Variants in GABRG3 observed in about 807,000 individuals in gnomAD.
GABRG3 encodes gamma-aminobutyric acid receptor subunit gamma-3.
In GABRG3, 25 loss-of-function variants were observed where a neutral mutation model predicts 48.8. The ratio of observed to expected loss-of-function variants is 0.51; its 90% confidence interval spans 0.37 to 0.72. The LOEUF (loss-of-function observed/expected upper bound fraction) is 0.72, where lower values mean the gene tolerates loss of function less well. Among genes scored for constraint, GABRG3 ranks in the 30% least tolerant of loss-of-function variants. The pLI, the probability that GABRG3 is intolerant of heterozygous loss-of-function variation, is 0.00. For missense variants in GABRG3, 394 were observed against 577.9 expected, an observed-to-expected ratio of 0.68 and a Z score of 3.26; for synonymous variants, 227 against 217.6, an observed-to-expected ratio of 1.04 and a Z score of -0.38.
At chr15:27,269,981 T>C (rs1891031551) in intron 3 of GABRG3, among the ~76,000 whole-genome samples, 1 of 152,178 alleles carries the variant, frequency 6.6e-6, no homozygotes, top group Admixed American at 6.5e-5. Flanking sequence ...TATTGAAACA[T>C]TGAAATTTGA....
At chr15:27,331,378 G>T (rs1893795868) in intron 5 of GABRG3, among the ~76,000 whole-genome samples, 5 of 152,030 alleles carry the variant, frequency 3.3e-5, no homozygotes. Flanking sequence ...ACAAACCACG[G>T]CATATTCATG....
At chr15:27,523,956 G>A (rs187739196) in intron 7 of GABRG3, among the ~76,000 whole-genome samples, 1 of 151,812 alleles carries the variant, frequency 6.6e-6, no homozygotes, top group Non-Finnish European at 1.5e-5. Flanking sequence ...ATAGAATGGG[G>A]CTAAAAAAAA....
At position 27,352,242 on chromosome 15, in the gene GABRG3, G is replaced by C. The variant is rs1894645101; in HGVS notation, c.574+23354G>C. ...GGCAGTGTAGGGATTCTGCCAGACC[G>C]TTCAGCTAATCTCCGTCTCGCGCTC... On this transcript the variant is annotated intron_variant, in intron 5 of 9. Transcript: ENST00000615808. The surrounding 1 kb of genome is among the most constrained non-coding windows in gnomAD (Gnocchi z 4.0). Among the ~76,000 whole-genome samples, 1 of 151,836 alleles carries C rather than the reference G, an allele frequency of 6.6e-6. No homozygotes were observed. The highest frequency in any genetic ancestry group is 1.9e-4 in the East Asian group (1 of 5,150).
intron 2 of GABRG3, among the ~76,000 whole-genome samples, chr15:27,022,654 T>C (rs952027235): frequency 1.3e-5 from 2 of 152,220 alleles, no homozygotes; most frequent in African/African-American, 4.8e-5. Flanking sequence ...AAGCATCTGC[T>C]CACCCCTAGT....
chr15:27,167,951 C>G (rs770909039), intron 3 of GABRG3, among the ~76,000 whole-genome samples: 1 of 152,156 alleles, frequency 6.6e-6, no homozygotes, highest in Non-Finnish European at 1.5e-5. Context: ...GAGGCTCCCT[C>G]GCAGTCAGAT....
At chr15:27,067,893 C>T (rs535834392) in intron 3 of GABRG3, among the ~76,000 whole-genome samples, 3 of 152,244 alleles carry the variant, frequency 2.0e-5, no homozygotes, top group African/African-American at 7.2e-5. Flanking sequence ...AGGATCAGAT[C>T]AGAAGAGGGA....
chr15:27,436,580 T>C (rs1888618058), intron 5 of GABRG3, among the ~76,000 whole-genome samples: 1 of 152,242 alleles, frequency 6.6e-6, no homozygotes, highest in South Asian at 2.1e-4. Flanking sequence ...ATGATTACTC[T>C]TGTTAAACAT....
intron 5 of GABRG3, among the ~76,000 whole-genome samples, chr15:27,348,683 AG>A (rs372993554): frequency 2.8e-3 from 433 of 152,318 alleles, no homozygotes; most frequent in African/African-American, 1.0e-2. Context: ...AGCCATGACA[AG>A]GGAAATAAAA....
At chr15:27,004,286 G>C (rs1895535338) in intron 2 of GABRG3, among the ~76,000 whole-genome samples, 2 of 151,920 alleles carry the variant, frequency 1.3e-5, no homozygotes, top group Admixed American at 6.5e-5. Flanking sequence ...CGGCCGGGCA[G>C]AGACGCTCCT....
At position 27,274,889 on chromosome 15, in the gene GABRG3, C is replaced by T. The variant is rs116658739; in HGVS notation, c.271-51920C>T. On this transcript the variant is annotated intron_variant, in intron 3 of 9. Transcript: ENST00000615808. Reference sequence around the variant, plus strand: ...AAATAAATTAGTCTTAAGGCACCACCTTATGAGAGATTTTTTTAATTTAAA... The same window carrying T: ...AAATAAATTAGTCTTAAGGCACCACTTTATGAGAGATTTTTTTAATTTAAA... 7.0e-4 allele frequency among the ~76,000 whole-genome samples: 107 copies of T among 152,134 alleles called. 1 individual carries two copies. The highest frequency in any genetic ancestry group is 2.0e-4 in the Admixed American group (3 of 15,282).
At chr15:27,470,616 A>C (rs1889759134) in intron 5 of GABRG3, among the ~76,000 whole-genome samples, 1 of 142,566 alleles carries the variant, frequency 7.0e-6, no homozygotes, top group African/African-American at 2.6e-5. Flanking sequence ...ATCCTATTGG[A>C]TTTTTGGTCT....
intron 6 of GABRG3, among the ~76,000 whole-genome samples, chr15:27,497,707 T>C (rs1390898683): frequency 2.6e-5 from 4 of 152,232 alleles, no homozygotes; most frequent in Admixed American, 2.6e-4. Flanking sequence ...TTTTTTGATA[T>C]GTTGTGTGTT....
rs950106207 is a variant in GABRG3 at position 27,344,721 on chromosome 15, T to TA, written c.574+15835dup. On this transcript the variant is annotated intron_variant, in intron 5 of 9. Coordinates refer to ENST00000615808, the MANE Select transcript of GABRG3 (RefSeq NM_033223.5). Reference sequence around the variant, plus strand: ...ATTACCAATTGATAAACCATTTTTTTAATTTAAATTTTAGTCTTGTCTCTG... The same window carrying TA: ...ATTACCAATTGATAAACCATTTTTTTAAATTTAAATTTTAGTCTTGTCTCTG... 3.6e-4 allele frequency among the ~76,000 whole-genome samples: 55 copies of TA among 151,918 alleles called. 1 individual carries two copies. Among genetic ancestry groups the TA allele is most frequent in the South Asian group, 1.0e-3 (5 of 4,802 alleles).
chr15:27,511,596 A>G (rs1890897139), intron 6 of GABRG3, among the ~76,000 whole-genome samples: 1 of 152,268 alleles, frequency 6.6e-6, no homozygotes, highest in Admixed American at 6.5e-5. Context: ...AGATTAAAAG[A>G]TCATTGAACA....
intron 5 of GABRG3, among the ~76,000 whole-genome samples, chr15:27,425,999 T>A (rs1850370250): frequency 6.6e-6 from 1 of 152,208 alleles, no homozygotes; most frequent in African/African-American, 2.4e-5. Flanking sequence ...CAATGGAGAA[T>A]GTTATAGAAC....
At position 26,994,789 on chromosome 15, in the gene GABRG3, A is replaced by G. The variant is rs61998071; in HGVS notation, c.202+17639A>G. Among the ~76,000 whole-genome samples the G allele has an allele frequency of 1.4e-3, 217 of 152,092 alleles. 1 individual carries two copies. Among genetic ancestry groups the G allele is most frequent in the Non-Finnish European group, 2.8e-3 (189 of 67,892 alleles). ...CATTTCCTTCTGTTATTGATTTCTA[A>G]TATAACTACATTGTGGTTGGAGAAT... On this transcript the variant is annotated intron_variant, in intron 2 of 9. Transcript: ENST00000615808.
At chr15:27,256,176 C>T (rs925116192) in intron 3 of GABRG3, among the ~76,000 whole-genome samples, 18 of 152,080 alleles carry the variant, frequency 1.2e-4, no homozygotes, top group Admixed American at 4.6e-4. Flanking sequence ...GGTGTGGTGG[C>T]TCATGCCTGT....
chr15:27,189,431 A>C (rs933329235), intron 3 of GABRG3, among the ~76,000 whole-genome samples: 4 of 152,190 alleles, frequency 2.6e-5, no homozygotes, highest in African/African-American at 7.2e-5. Context: ...TTTTCCTTGA[A>C]GAGGTCCTTC....
In GABRG3 at chr15:26,976,951, C is replaced by G. The variant is rs140671; in HGVS notation, c.54-51C>G. The G allele has an allele frequency of 0.13, 203,095 of 1,602,000 alleles. 14,011 individuals carry two copies. Among genetic ancestry groups the G allele is most frequent in the East Asian group, 0.23 (10,235 of 44,796 alleles). ...TGGATAGGACAAACTTAGGCTCTTC[C>G]TAGAGCCATTGCTGCCACTTATATG... On this transcript the variant is annotated intron_variant, in intron 1 of 9. Transcript: ENST00000615808. The surrounding 1 kb of genome is among the most constrained non-coding windows in gnomAD (Gnocchi z 7.8).
Sources: gnomAD v4.1 joint callset for allele counts (sites outside exome capture counted in the v4.1 genomes callset) on GRCh38, gnomAD v4.1.1 for gene constraint, Gnocchi (gnomAD v3.1) non-coding constraint, MANE v1.5 for transcripts, NCBI Gene and HGNC (gene_info 2026-07-23, HGNC 2026-07-21) for gene names.